The following NOL4L variants were observed in gnomAD, a reference collection of about 807,000 sequenced individuals.
The protein encoded by NOL4L is nucleolar protein 4 like.
Under a neutral mutation model 64.5 loss-of-function variants are expected in NOL4L, and 7 were observed. The observed-to-expected ratio is 0.11, with a 90% confidence interval of 0.06 to 0.20. The LOEUF is 0.20. Ranked by LOEUF, NOL4L falls within the 10% of genes least tolerant of loss-of-function variation. The pLI is 1.00. For synonymous variants in NOL4L, 413 were observed against 401.0 expected (o/e 1.03, Z -0.36); for missense variants, 680 against 967.1 (o/e 0.70, Z 3.94).
chr20:32,548,193 T>C (rs530724253), intron 1 of NOL4L, among the ~76,000 whole-genome samples: 4 of 152,276 alleles, frequency 2.6e-5, no homozygotes, highest in South Asian at 2.1e-4. Flanking sequence ...GGAGTCAGGA[T>C]TGAACCTACA....
At position 32,447,429 on chromosome 20, in the gene NOL4L, A is replaced by AAAAAAG. The variant is rs374212206; in HGVS notation, c.*166_*167insCTTTTT. 64 of 758,110 alleles carry AAAAAAG rather than the reference A, an allele frequency of 8.4e-5. No individual in the cohort carries two copies. The highest frequency in any genetic ancestry group is 1.8e-4 in the East Asian group (6 of 33,344). The allele number at this position is 758,110 out of a possible 1,614,324, so 47.0% of individuals were successfully genotyped here. On this transcript the variant is annotated 3_prime_UTR_variant, in exon 11 of 11. Transcript: ENST00000621426. The stretch of plus-strand genomic sequence containing the variant: ...AAAAAAAAAAAAAAAAAAAAAAAAA[A>AAAAAAG]GTGTCCTTGTGCCCAAAGTCTCAGG...
At chr20:32,576,033 T>C (rs1980079790) in intron 1 of NOL4L, among the ~76,000 whole-genome samples, 1 of 152,162 alleles carries the variant, frequency 6.6e-6, no homozygotes, top group Admixed American at 6.5e-5. Flanking sequence ...TGAGGCCAAA[T>C]GAACGAGGCG....
chr20:32,455,308 C>A (rs972426194), intron 6 of NOL4L, among the ~76,000 whole-genome samples: 9 of 152,254 alleles, frequency 5.9e-5, no homozygotes, highest in Admixed American at 2.0e-4. Flanking sequence ...CTGGCCAGAA[C>A]CTGCTCCCAG....
rs144141778 is a variant in NOL4L, at chr20:32,452,977, C to G, written c.1527G>C (p.Ser509=). ...CTGCCAGGATGTTTTCTGCCATGGC[C>G]GAGGTCAGATGGGGTGGCGTGGGTC... is the stretch of plus-strand genomic sequence containing the variant. ...MTRPTPPHLT[S]AMAENILAAA... Residue 509 remains serine, a synonymous_variant, in exon 9 of 11, where the codon TCG becomes TCC. Coordinates refer to ENST00000621426, the MANE Select transcript of NOL4L (RefSeq NM_001256798.2). 1.9e-6 allele frequency: 3 copies of G among 1,613,890 alleles called. No homozygotes were observed. Among genetic ancestry groups the G allele is most frequent in the African/African-American group, 2.7e-5 (2 of 75,034 alleles).
intron 10 of NOL4L, among the ~76,000 whole-genome samples, chr20:32,448,388 CAAGA>C (rs2012522567): frequency 6.6e-6 from 1 of 152,176 alleles, no homozygotes; most frequent in South Asian, 2.1e-4. Flanking sequence ...TGTGCCCAGA[CAAGA>C]AAGGGGCTTC....
intron 4 of NOL4L, among the ~76,000 whole-genome samples, chr20:32,492,686 C>G (rs1401963296): frequency 6.6e-6 from 1 of 152,242 alleles, no homozygotes; most frequent in Non-Finnish European, 1.5e-5. Context: ...GGCACCTGTG[C>G]TGGGCAGTGT....
In NOL4L at chr20:32,447,903, A is replaced by G. The variant is rs1055725690; in HGVS notation, c.1823-87T>C. On this transcript the variant is annotated intron_variant, in intron 10 of 10. Transcript: ENST00000621426. ...ACCTTCCTTGGCACTGTCATAACCT[A>G]TGGCCTAGTGCCCACTGTGAGTTGG... 10 of 1,469,216 alleles carry G rather than the reference A, an allele frequency of 6.8e-6. No individual in the cohort carries two copies. In the African/African-American group the frequency reaches 1.3e-4, roughly 19 times the overall value. 91.0% of individuals were successfully genotyped at this position (1,469,216 alleles called of 1,614,324 possible). A position where few individuals can be genotyped will look rare whatever the true frequency, so the allele number is the denominator to read the frequency against.
At chr20:32,488,797 T>TTC (rs1568648038) in intron 4 of NOL4L, among the ~76,000 whole-genome samples, 12 of 24,000 alleles carry the variant, frequency 5.0e-4, no homozygotes, top group South Asian at 4.3e-3. Flanking sequence ...CTTCCTTTCT[T>TTC]TCTTTCTTTT....
At chr20:32,510,847 C>T (rs1568670859) in intron 4 of NOL4L, among the ~76,000 whole-genome samples, 2 of 152,122 alleles carry the variant, frequency 1.3e-5, no homozygotes, top group Non-Finnish European at 2.9e-5. Context: ...CATGGTGTCT[C>T]ACGGCCCTTG....
chr20:32,533,971 T>A (rs571009982), intron 1 of NOL4L, among the ~76,000 whole-genome samples: 1 of 152,222 alleles, frequency 6.6e-6, no homozygotes, highest in South Asian at 2.1e-4. Flanking sequence ...CCCCTGATGG[T>A]GAAGTGAGGT....
At chr20:32,572,259 A>C (rs1304378391) in intron 1 of NOL4L, 1 of 152,206 alleles carries the variant, frequency 6.6e-6, no homozygotes, top group Non-Finnish European at 1.5e-5. Flanking sequence ...TAAGGATCCC[A>C]GCGGCCACCA....
At chr20:32,575,835 C>A (rs1309584130) in intron 1 of NOL4L, among the ~76,000 whole-genome samples, 1 of 152,178 alleles carries the variant, frequency 6.6e-6, no homozygotes. Flanking sequence ...TAAGGTGGGC[C>A]TCACTGGGTG....
intron 1 of NOL4L, chr20:32,536,187 C>G: frequency 4.1e-6 from 4 of 985,582 alleles, no homozygotes; most frequent in Non-Finnish European, 4.8e-6. Flanking sequence ...GCTACTCTGG[C>G]GACCCGCCTC....
chr20:32,563,829 G>C (rs1979249387), intron 1 of NOL4L, among the ~76,000 whole-genome samples: 1 of 152,176 alleles, frequency 6.6e-6, no homozygotes, highest in African/African-American at 2.4e-5. Flanking sequence ...GACATTGCCT[G>C]GTCTCCCGGC....
intron 5 of NOL4L, among the ~76,000 whole-genome samples, chr20:32,469,392 T>C (rs1170260011): frequency 2.0e-5 from 3 of 151,870 alleles, no homozygotes; most frequent in Non-Finnish European, 2.9e-5. Flanking sequence ...TTTTTTTAGA[T>C]GGAGTTTTGC....
chr20:32,563,864 G>C (rs965393484), intron 1 of NOL4L, among the ~76,000 whole-genome samples: 5 of 152,222 alleles, frequency 3.3e-5, no homozygotes, highest in Non-Finnish European at 7.3e-5. Flanking sequence ...CCCCCAGGCA[G>C]CTGTGGCCCC....
chr20:32,466,375 A>G (rs191628406), intron 5 of NOL4L, among the ~76,000 whole-genome samples: 18 of 152,224 alleles, frequency 1.2e-4, no homozygotes, highest in Admixed American at 1.1e-3. Context: ...CCACTCCTGG[A>G]TAAAGGGATC....
chr20:32,449,282 C>A (rs555255015), intron 10 of NOL4L, among the ~76,000 whole-genome samples: 18 of 152,338 alleles, frequency 1.2e-4, no homozygotes, highest in African/African-American at 4.3e-4. Flanking sequence ...TGTGAGGCTC[C>A]CCCAGCTACC....
intron 1 of NOL4L, among the ~76,000 whole-genome samples, chr20:32,571,494 ACC>A (rs1979743381): frequency 6.6e-6 from 1 of 152,220 alleles, no homozygotes; most frequent in South Asian, 2.1e-4. Context: ...GGTGTGAGCC[ACC>A]ATGTCCGGCC....
Sources: gnomAD v4.1 joint callset for allele counts (sites outside exome capture counted in the v4.1 genomes callset) on GRCh38, gnomAD v4.1.1 for gene constraint, MANE v1.5 for transcripts, NCBI Gene and HGNC (gene_info 2026-07-23, HGNC 2026-07-21) for gene names.